Variants in STK32C observed in about 807,000 individuals in gnomAD.
STK32C encodes serine/threonine kinase 32C.
Under a neutral mutation model 56.5 loss-of-function variants are expected in STK32C, and 31 were observed. That is an observed-to-expected ratio of 0.55 (90% CI 0.41 to 0.74). The LOEUF (loss-of-function observed/expected upper bound fraction) is 0.74, where lower values mean the gene tolerates loss of function less well. Ranked by LOEUF, STK32C falls within the 30% of genes least tolerant of loss-of-function variation. The pLI, the probability that STK32C is intolerant of heterozygous loss-of-function variation, is 0.00. For synonymous variants in STK32C, 309 were observed against 289.4 expected (o/e 1.07, Z -0.69); for missense variants, 544 against 676.9 (o/e 0.80, Z 2.18).
intron 10 of STK32C, among the ~76,000 whole-genome samples, chr10:132,221,898 T>C (rs2062678873): frequency 1.7e-5 from 2 of 120,306 alleles, no homozygotes; most frequent in South Asian, 5.3e-4. Flanking sequence ...TCAACGCACC[T>C]GGGCAAGTGT....
rs1487844902 is a variant in STK32C, at chr10:132,238,537, G to A, written c.318+7363C>T. Among the ~76,000 whole-genome samples the A allele has an allele frequency of 2.0e-5, 3 of 152,202 alleles. No homozygotes were observed. The East Asian group carries it at 5.8e-4, about 29-fold the overall frequency. ...TTTGAGACTGGCCTGTGGGAATACA[G>A]GCCTGCCCTGGTTGTCTGGGGTCAG... On this transcript the variant is annotated intron_variant, in intron 2 of 11. Coordinates refer to ENST00000298630, the MANE Select transcript of STK32C (RefSeq NM_173575.4).
intron 1 of STK32C, among the ~76,000 whole-genome samples, chr10:132,292,518 C>T (rs1282295491): frequency 1.3e-5 from 2 of 152,160 alleles, no homozygotes; most frequent in Admixed American, 6.5e-5. Context: ...CACATAAACA[C>T]ATGCATACAT....
At chr10:132,287,888 A>G (rs1235788830) in intron 1 of STK32C, among the ~76,000 whole-genome samples, 2 of 152,236 alleles carry the variant, frequency 1.3e-5, no homozygotes, top group African/African-American at 4.8e-5. Context: ...GGGATAAAAG[A>G]GCAAATAATC....
intron 10 of STK32C, among the ~76,000 whole-genome samples, chr10:132,221,631 C>T (rs1314460861): frequency 6.9e-6 from 1 of 145,164 alleles, no homozygotes; most frequent in African/African-American, 2.6e-5. Context: ...CGTCCCCCCA[C>T]ACACAACTGA....
chr10:132,222,952 C>T lies in STK32C; in HGVS notation c.1028G>A (p.Ser343Asn). The change falls in exon 9 of 12, where the codon AGC becomes AAC. Residue 343 changes from serine to asparagine, a missense_variant. Ser to Asn is a conservative substitution (Grantham distance 46). Around this residue, in one of 3 missense-constraint regions of STK32C, gnomAD observed 277 missense variants for 309.3 expected, o/e 0.90. Transcript: ENST00000298630. ...CGGGGCTGCCTGCACGTCCTGGAGG[C>T]TGGAGAGCCGGTGCTCGGGGTTCAC... Reference protein sequence around the residue: ...LTVNPEHRLSSLQDVQAAPAL... With the variant: ...LTVNPEHRLSNLQDVQAAPAL... The T allele has an allele frequency of 6.4e-7, 1 of 1,552,932 alleles. No homozygotes were observed.
chr10:132,233,468 T>A (rs74161743), intron 2 of STK32C, among the ~76,000 whole-genome samples: 4,492 of 152,282 alleles, frequency 0.029, 139 homozygotes, highest in East Asian at 0.073. Context: ...GGTTTCAGTT[T>A]TCCCCCGATG....
At chr10:132,252,059 C>G (rs1044929848) in intron 1 of STK32C, among the ~76,000 whole-genome samples, 5 of 152,244 alleles carry the variant, frequency 3.3e-5, no homozygotes, top group African/African-American at 4.8e-5. Flanking sequence ...CCTCACATCC[C>G]CATCTCATCC....
chr10:132,228,189 C>T (rs760482523), intron 2 of STK32C, 61 bp from the exon 3 acceptor site: 2 of 1,610,024 alleles, frequency 1.2e-6, no homozygotes, highest in African/African-American at 2.7e-5. Flanking sequence ...CGTGGGGACA[C>T]CTGGAAATGC....
At chr10:132,258,856 G>A (rs991560567) in intron 1 of STK32C, among the ~76,000 whole-genome samples, 3 of 152,266 alleles carry the variant, frequency 2.0e-5, no homozygotes, top group African/African-American at 7.2e-5. Context: ...CCAGGGCATG[G>A]CCTCTTCCAC....
At chr10:132,307,981 G>C (rs1259636108), upstream of STK32C, 1 of 990,924 alleles carries the variant, frequency 1.0e-6, no homozygotes, top group African/African-American at 1.8e-5. The surrounding 1 kb of genome is among the most constrained non-coding windows in gnomAD (Gnocchi z 4.4). Flanking sequence ...TAGATTGCGA[G>C]CGCTGGGGGC....
intron 10 of STK32C, 36 bp downstream of exon 10, chr10:132,222,605 C>A: frequency 6.2e-7 from 1 of 1,604,382 alleles, no homozygotes; most frequent in Non-Finnish European, 8.5e-7. Context: ...CCAAGCCCAG[C>A]CCGCCGCCGC....
rs187559826 is a variant in STK32C at position 132,254,421 on chromosome 10, T to G, written c.263-8466A>C. On this transcript the variant is annotated intron_variant, in intron 1 of 11. Coordinates refer to ENST00000298630, the MANE Select transcript of STK32C (RefSeq NM_173575.4). ...AGCAAAAGAAGAGAGGAGAGTAAAA[T>G]AAGCCTGCCGCAGGGCGCCGGGAAT... Among the ~76,000 whole-genome samples, 195 of 151,808 alleles carry G rather than the reference T, an allele frequency of 1.3e-3. 1 individual carries two copies. The highest frequency in any genetic ancestry group is 4.6e-3 in the African/African-American group (190 of 41,412).
At chr10:132,209,001 G>GC in intron 11 of STK32C, 33 bp downstream of exon 11, 1 of 1,602,272 alleles carries the variant, frequency 6.2e-7, no homozygotes, top group Non-Finnish European at 8.5e-7. Context: ...CCTCCTCTCT[G>GC]CCACCACGCC....
intron 2 of STK32C, among the ~76,000 whole-genome samples, chr10:132,233,044 G>T (rs950224061): frequency 6.6e-6 from 1 of 152,164 alleles, no homozygotes. Flanking sequence ...AATCCTTCCT[G>T]GGGGAGCTTC....
At chr10:132,215,397 T>C (rs1317725351) in intron 10 of STK32C, among the ~76,000 whole-genome samples, 6 of 152,168 alleles carry the variant, frequency 3.9e-5, no homozygotes, top group Non-Finnish European at 8.8e-5. Flanking sequence ...CCGTGTGTCA[T>C]GGGAGGAACC....
At chr10:132,247,634 G>A (rs2063738259) in intron 1 of STK32C, among the ~76,000 whole-genome samples, 1 of 152,098 alleles carries the variant, frequency 6.6e-6, no homozygotes, top group African/African-American at 2.4e-5. Flanking sequence ...GGACCCCAAG[G>A]GTATGGACAG....
chr10:132,322,954 A>C (rs1029277427), downstream of STK32C, among the ~76,000 whole-genome samples: 2 of 152,194 alleles, frequency 1.3e-5, no homozygotes, highest in Admixed American at 1.3e-4. Context: ...TTACGAAACC[A>C]AAAAGAACAG....
At chr10:132,253,395 A>G (rs1590275751) in intron 1 of STK32C, among the ~76,000 whole-genome samples, 1 of 126,190 alleles carries the variant, frequency 7.9e-6, no homozygotes, top group Admixed American at 7.7e-5. Flanking sequence ...AGGTAGCTGG[A>G]GGGAGTCGAG....
downstream of STK32C, among the ~76,000 whole-genome samples, chr10:132,320,129 A>C (rs1481193585): frequency 2.6e-5 from 4 of 152,180 alleles, no homozygotes; most frequent in African/African-American, 4.8e-5. Context: ...TGTGAATGAT[A>C]AAATTCTAAA....
Sources: allele counts gnomAD v4.1 joint callset (sites outside exome capture counted in the v4.1 genomes callset), GRCh38; gene constraint gnomAD v4.1.1; regional missense constraint gnomAD v4.1.1; non-coding constraint Gnocchi (gnomAD v3.1); transcripts MANE v1.5; gene names NCBI Gene and HGNC (gene_info 2026-07-23, HGNC 2026-07-21).